LGI2: variants seen among roughly 807,000 people sequenced by gnomAD.
The protein encoded by LGI2 is leucine rich repeat LGI family member 2.
In LGI2, 30 loss-of-function variants were observed where a neutral mutation model predicts 52.0. That is an observed-to-expected ratio of 0.58 (90% CI 0.43 to 0.78). The LOEUF (loss-of-function observed/expected upper bound fraction) is 0.78. LGI2 is among the 30% of genes least tolerant of loss of function. LGI2 has a pLI of 0.00. For missense variants in LGI2, 573 were observed against 692.5 expected, an observed-to-expected ratio of 0.83 and a Z score of 1.94; for synonymous variants, 270 against 271.8, an observed-to-expected ratio of 0.99 and a Z score of 0.06.
At chr4:25,016,571 G>A (rs1247781798) in intron 6 of LGI2, among the ~76,000 whole-genome samples, 3 of 152,190 alleles carry the variant, frequency 2.0e-5, no homozygotes, top group Admixed American at 1.3e-4. Context: ...CAATTACACA[G>A]CTGAGTAAGC....
chr4:25,030,748 C>G lies in LGI2; in HGVS notation c.-55G>C, dbSNP rs1726318681. 1 of 1,027,442 alleles carries G rather than the reference C, an allele frequency of 9.7e-7. No homozygotes were observed. Among genetic ancestry groups the G allele is most frequent in the Non-Finnish European group, 1.2e-6 (1 of 843,414 alleles). 63.6% of individuals were successfully genotyped at this position (1,027,442 alleles called of 1,614,324 possible). A position where few individuals can be genotyped will look rare whatever the true frequency, so the allele number is the denominator to read the frequency against. On this transcript the variant is annotated 5_prime_UTR_variant, in exon 1 of 8. Transcript: ENST00000382114. ...GACCCCCACCGCCGCGCCGCGCGCTCGGACCCGGCGCCGCTGCAGACGCGG... is the reference window on the plus strand; with the variant it reads ...GACCCCCACCGCCGCGCCGCGCGCTGGGACCCGGCGCCGCTGCAGACGCGG...
chr4:25,005,736 T>G (rs777280457), intron 7 of LGI2, among the ~76,000 whole-genome samples: 21 of 152,002 alleles, frequency 1.4e-4, no homozygotes, highest in Non-Finnish European at 7.4e-5. Context: ...TTGAAGACAT[T>G]TGGGCTCTTT....
At chr4:25,017,541 CAAAAAAAAA>C (rs66740392) in intron 6 of LGI2, among the ~76,000 whole-genome samples, 38 of 53,246 alleles carry the variant, frequency 7.1e-4, no homozygotes, top group African/African-American at 2.9e-3. Context: ...GACTCTGCCT[CAAAAAAAAA>C]AAAAAAAAAA....
At chr4:25,025,270 CCTGGCTATTCATA>C (rs1726108499) in intron 3 of LGI2, among the ~76,000 whole-genome samples, 1 of 152,230 alleles carries the variant, frequency 6.6e-6, no homozygotes, top group South Asian at 2.1e-4. Flanking sequence ...TTTCACGGTG[CCTGGCTATTCATA>C]CTTCTGTTAA....
intron 6 of LGI2, among the ~76,000 whole-genome samples, chr4:25,012,854 C>T (rs1440503381): frequency 3.3e-5 from 5 of 152,202 alleles, no homozygotes; most frequent in Admixed American, 6.5e-5. Flanking sequence ...TCAAAACTGC[C>T]GTGCAAATCA....
At position 25,017,921 on chromosome 4, in the gene LGI2, G is replaced by T. The variant is rs1042304911; in HGVS notation, c.655+68C>A. 31 of 1,357,494 alleles carry T rather than the reference G, an allele frequency of 2.3e-5. No individual in the cohort carries two copies. In the South Asian group the frequency reaches 5.2e-4, roughly 23 times the overall value. 84.1% of individuals were successfully genotyped at this position (1,357,494 alleles called of 1,614,324 possible). ...TATTCACTTTTCCCCAGTCTCTGTT[G>T]ACAGTGTAAAAGAAAGACAAAGAGA... On this transcript the variant is annotated intron_variant, in intron 6 of 7. Transcript: ENST00000382114.
Position 25,012,450 on chromosome 4 carries a change from C to T in LGI2, c.705G>A (p.Thr235=), listed in dbSNP as rs372880848. 7.4e-6 allele frequency: 12 copies of T among 1,614,062 alleles called. No individual in the cohort carries two copies. Among genetic ancestry groups the T allele is most frequent in the East Asian group, 4.5e-5 (2 of 44,900 alleles). Reference sequence around the variant, plus strand: ...CGTACACATCGTTCTTGGAGTTGAACGTATCCACTGAAACCGACTGGTAGG... The same window carrying T: ...CGTACACATCGTTCTTGGAGTTGAATGTATCCACTGAAACCGACTGGTAGG... ...TLPYQSVSVD[T]FNSKNDVYVA... Residue 235 remains threonine (T), a synonymous_variant, in exon 7 of 8, where the codon ACG becomes ACA. Transcript: ENST00000382114.
Position 25,030,519 on chromosome 4 carries a change from C to G in LGI2, c.175G>C (p.Val59Leu), listed in dbSNP as rs756186544. ...CACAGGGAGCTGATGTCGCCCGGCA[C>G]GATCCTGGGCACCCAGGAAGAGCCC... is the stretch of plus-strand genomic sequence containing the variant. ...CVGSSWVPRI[V>L]PGDISSLSLV... Residue 59 changes from valine (V) to leucine (L), a missense_variant, in exon 1 of 8, where the codon GTG becomes CTG. By Grantham distance (32) the Val-to-Leu change is conservative. Transcript: ENST00000382114. 6.3e-7 allele frequency: 1 copy of G among 1,594,460 alleles called. No individual in the cohort carries two copies. The highest frequency in any genetic ancestry group is 1.3e-5 in the African/African-American group (1 of 74,882).
chr4:24,994,377 T>C (rs141997851), downstream of LGI2, among the ~76,000 whole-genome samples: 31 of 152,306 alleles, frequency 2.0e-4, no homozygotes, highest in African/African-American at 5.8e-4. Flanking sequence ...TCCTGAATAG[T>C]TGACATTAGA....
chr4:25,012,464 C>T lies in LGI2; in HGVS notation c.691G>A (p.Val231Ile). 4.3e-6 allele frequency: 7 copies of T among 1,614,220 alleles called. No homozygotes were observed. Among genetic ancestry groups the T allele is most frequent in the Non-Finnish European group, 5.9e-6 (7 of 1,180,036 alleles). Residue 231 changes from valine to isoleucine, a missense_variant, in exon 7 of 8, where the codon GTT becomes ATT. Coordinates refer to ENST00000382114, the MANE Select transcript of LGI2 (RefSeq NM_018176.4). ...TTGGAGTTGAACGTATCCACTGAAA[C>T]CGACTGGTAGGGTAAAGTCTGATGA... ...VVHQTLPYQSVSVDTFNSKND... is the reference protein window; with the variant it reads ...VVHQTLPYQSISVDTFNSKND...
rs1725166265 is a variant in LGI2, at chr4:24,999,240, T to G, written c.*4211A>C. 6.6e-6 allele frequency: 1 copy of G among 152,330 alleles called. No individual in the cohort carries two copies. The highest frequency in any genetic ancestry group is 1.5e-5 in the Non-Finnish European group (1 of 68,106). 9.4% of individuals were successfully genotyped at this position (152,330 alleles called of 1,614,324 possible). On this transcript the variant is annotated 3_prime_UTR_variant, in exon 8 of 8. Transcript: ENST00000382114. ...CAGTAGCTTTACAATATGCTTCTTA[T>G]TTGAATGAGCATTACAGTTGGCTCT...
At position 25,019,175 on chromosome 4, in the gene LGI2, C is replaced by T; in HGVS notation, c.477G>A (p.Leu159=). The T allele has an allele frequency of 6.3e-7, 1 of 1,596,608 alleles. No individual in the cohort carries two copies. The highest frequency in any genetic ancestry group is 8.6e-7 in the Non-Finnish European group (1 of 1,166,090). The change falls in exon 5 of 8, where the codon CTG becomes CTA. Residue 159 remains leucine (L), a synonymous_variant. Coordinates refer to ENST00000382114, the MANE Select transcript of LGI2 (RefSeq NM_018176.4). Reference sequence around the variant, plus strand: ...TAAATTTCATTACTTACAGTTCAATCAGAGAGTCTAAATCACTGAAGACAT... The same window carrying T: ...TAAATTTCATTACTTACAGTTCAATTAGAGAGTCTAAATCACTGAAGACAT... The part of the protein sequence containing the change: ...PRDVFSDLDS[L]IELDLRGNKF...
intron 7 of LGI2, among the ~76,000 whole-genome samples, chr4:25,005,507 A>G (rs766322448): frequency 2.0e-5 from 3 of 152,162 alleles, no homozygotes; most frequent in Non-Finnish European, 4.4e-5. Flanking sequence ...ACATATTTCA[A>G]AACAACATTT....
intron 6 of LGI2, among the ~76,000 whole-genome samples, chr4:25,013,891 A>G (rs1269254968): frequency 1.3e-5 from 2 of 152,146 alleles, no homozygotes; most frequent in Admixed American, 1.3e-4. Context: ...TCCTGTTGGC[A>G]CTAGCAGTGC....
rs1276438516 is a variant in LGI2, at chr4:25,003,215, G to A, written c.*236C>T. The A allele has an allele frequency of 9.3e-6, 4 of 429,842 alleles. No homozygotes were observed. The highest frequency in any genetic ancestry group is 4.8e-5 in the South Asian group (1 of 20,786). The allele number at this position is 429,842 out of a possible 1,614,324, so 26.6% of individuals were successfully genotyped here. Reference sequence around the variant, plus strand: ...GAGTAAATGCTGTACTCTTTTCTCAGAAATTACAGGCTTTAAGATTTTTTT... The same window carrying A: ...GAGTAAATGCTGTACTCTTTTCTCAAAAATTACAGGCTTTAAGATTTTTTT... On this transcript the variant is annotated 3_prime_UTR_variant, in exon 8 of 8. Transcript: ENST00000382114.
the LGI2 span, among the ~76,000 whole-genome samples, chr4:24,992,955 G>A: frequency 1.9e-4 from 29 of 152,272 alleles, no homozygotes; most frequent in African/African-American, 6.5e-4. Flanking sequence ...GTAGCCCAGT[G>A]GATAAGGGCA....
chr4:24,996,938 G>A (rs1282138107), downstream of LGI2, among the ~76,000 whole-genome samples: 2 of 152,224 alleles, frequency 1.3e-5, no homozygotes, highest in Non-Finnish European at 2.9e-5. Flanking sequence ...GCAGGTGCTG[G>A]AGATTCTGGG....
At chr4:25,010,926 C>CA (rs1275963794) in intron 7 of LGI2, among the ~76,000 whole-genome samples, 1 of 151,398 alleles carries the variant, frequency 6.6e-6, no homozygotes, top group African/African-American at 2.4e-5. Context: ...CTACAAAAAA[C>CA]AAAAAATTAG....
rs1323313127 is a variant in LGI2, at chr4:25,000,095, TTTGTTAA to T, written c.*3349_*3355del. On this transcript the variant is annotated 3_prime_UTR_variant, in exon 8 of 8. Transcript: ENST00000382114. ...AAAGAGTGGGGCATGCAATTGCATG[TTTGTTAA>T]TTGTTAAATGGACCAGTTGATTGAA... is the stretch of plus-strand genomic sequence containing the variant. 3.8e-6 allele frequency: 1 copy of T among 262,982 alleles called. No homozygotes were observed. The highest frequency in any genetic ancestry group is 7.6e-6 in the Non-Finnish European group (1 of 132,140). 16.3% of individuals were successfully genotyped at this position (262,982 alleles called of 1,614,324 possible).
Sources: gnomAD v4.1 joint callset for allele counts (sites outside exome capture counted in the v4.1 genomes callset) on GRCh38, gnomAD v4.1.1 for gene constraint, MANE v1.5 for transcripts, NCBI Gene and HGNC (gene_info 2026-07-23, HGNC 2026-07-21) for gene names.